Variants in QRFPR observed in about 807,000 individuals in gnomAD.
QRFPR encodes pyroglutamylated RFamide peptide receptor.
Under a neutral mutation model 31.3 loss-of-function variants are expected in QRFPR, and 37 were observed. That is an observed-to-expected ratio of 1.18 (90% CI 0.91 to 1.56). QRFPR has a LOEUF of 1.56. QRFPR is among the 40% of genes most tolerant of loss of function. QRFPR has a pLI of 0.00. For synonymous variants in QRFPR, 197 were observed against 192.0 expected, an observed-to-expected ratio of 1.03 and a Z score of -0.22; for missense variants, 542 against 532.5, an observed-to-expected ratio of 1.02 and a Z score of -0.18.
chr4:121,353,475 G>C (rs1284825650), intron 1 of QRFPR, among the ~76,000 whole-genome samples: 1 of 152,026 alleles, frequency 6.6e-6, no homozygotes, highest in African/African-American at 2.4e-5. Context: ...TAGTGATGTT[G>C]AGCATTTTTT....
chr4:121,330,234 A>G (rs1725296957), intron 5 of QRFPR, among the ~76,000 whole-genome samples, 192 bp downstream of exon 5: 4 of 152,220 alleles, frequency 2.6e-5, no homozygotes, highest in Admixed American at 1.3e-4. Context: ...TGTAATTATT[A>G]AAGATTTAGT....
chr4:121,363,088 C>T (rs76683624), intron 1 of QRFPR, among the ~76,000 whole-genome samples: 40,915 of 149,598 alleles, frequency 0.27, 7,773 homozygotes, highest in Non-Finnish European at 0.35. Flanking sequence ...AATCCCAGCC[C>T]TTTGGGAGGC....
intron 1 of QRFPR, among the ~76,000 whole-genome samples, chr4:121,340,855 C>T (rs1000033658): frequency 1.3e-5 from 2 of 152,136 alleles, no homozygotes; most frequent in African/African-American, 4.8e-5. Flanking sequence ...AAGGACAAAT[C>T]AGTATCTAGC....
intron 1 of QRFPR, among the ~76,000 whole-genome samples, chr4:121,372,230 G>T (rs1173781226): frequency 6.6e-6 from 1 of 152,170 alleles, no homozygotes; most frequent in Non-Finnish European, 1.5e-5. Context: ...GCTGTAGGGG[G>T]TATCTCTGGG....
intron 1 of QRFPR, chr4:121,369,578 C>T (rs542128286): frequency 4.1e-5 from 66 of 1,610,980 alleles, no homozygotes; most frequent in South Asian, 3.1e-4. Flanking sequence ...GGCCTGGGCA[C>T]GGATCAGTTC....
intron 1 of QRFPR, among the ~76,000 whole-genome samples, chr4:121,360,457 T>C (rs1338640712): frequency 6.6e-6 from 1 of 152,206 alleles, no homozygotes; most frequent in Non-Finnish European, 1.5e-5. Context: ...AGGATTATGA[T>C]ACTGCTGAGT....
chr4:121,336,889 T>A, intron 2 of QRFPR, 21 bp from the exon 3 acceptor site: 1 of 1,609,126 alleles, frequency 6.2e-7, no homozygotes, highest in Non-Finnish European at 8.5e-7. Context: ...GTTAAAGTCA[T>A]GAGAGTATGA....
intron 3 of QRFPR, among the ~76,000 whole-genome samples, chr4:121,336,348 T>C (rs750376701): frequency 6.6e-6 from 1 of 152,180 alleles, no homozygotes; most frequent in South Asian, 2.1e-4. Context: ...TCTCCTGATA[T>C]GTTTCCAGTT....
At position 121,380,906 on chromosome 4, in the gene QRFPR, T is replaced by G. The variant is rs1250814440; in HGVS notation, c.-259A>C. ...CTCAGTGACCAAAAAATGTTCGCGGTTCAAATAAAGTTCTTCCCTTGCTCT... is the reference window on the plus strand; with the variant it reads ...CTCAGTGACCAAAAAATGTTCGCGGGTCAAATAAAGTTCTTCCCTTGCTCT... On this transcript the variant is annotated 5_prime_UTR_variant, in exon 1 of 6. Transcript: ENST00000394427. The G allele has an allele frequency of 6.2e-6, 3 of 484,904 alleles. No individual in the cohort carries two copies. The highest frequency in any genetic ancestry group is 3.8e-5 in the Admixed American group (1 of 26,130). The allele number at this position is 484,904 out of a possible 1,614,324, so 30.0% of individuals were successfully genotyped here. A position where few individuals can be genotyped will look rare whatever the true frequency, so the allele number is the denominator to read the frequency against.
chr4:121,336,728 C>A, intron 3 of QRFPR, 79 bp downstream of exon 3: 2 of 1,169,870 alleles, frequency 1.7e-6, no homozygotes, highest in Non-Finnish European at 2.6e-6. Context: ...ATTGCTCCTG[C>A]AGGAAGGAAA....
intron 2 of QRFPR, among the ~76,000 whole-genome samples, chr4:121,338,499 G>T (rs2110469359): frequency 6.6e-6 from 1 of 152,214 alleles, no homozygotes; most frequent in East Asian, 1.9e-4. Context: ...AATATTATGA[G>T]ATTTTTTTGC....
intron 1 of QRFPR, chr4:121,369,331 T>G: frequency 1.7e-6 from 1 of 594,840 alleles, no homozygotes. Flanking sequence ...GCCCAGCTGA[T>G]TAAGTTTTTA....
intron 1 of QRFPR, among the ~76,000 whole-genome samples, chr4:121,378,666 G>T (rs113497706): frequency 0.017 from 2,625 of 151,966 alleles, 65 homozygotes; most frequent in East Asian, 0.11. Flanking sequence ...CTCGTGATCC[G>T]CCCGCCTCGG....
chr4:121,330,089 CT>C, intron 5 of QRFPR, among the ~76,000 whole-genome samples: 1 of 152,158 alleles, frequency 6.6e-6, no homozygotes, highest in East Asian at 1.9e-4. Context: ...AAAGAATATA[CT>C]GCAGGTCTGA....
At chr4:121,335,756 T>C (rs1474741311) in intron 3 of QRFPR, among the ~76,000 whole-genome samples, 2 of 152,190 alleles carry the variant, frequency 1.3e-5, no homozygotes, top group Non-Finnish European at 2.9e-5. Flanking sequence ...GTAATTGTAT[T>C]ACTGGACAGG....
intron 1 of QRFPR, among the ~76,000 whole-genome samples, chr4:121,379,293 A>G (rs1298835848): frequency 6.6e-6 from 1 of 152,256 alleles, no homozygotes; most frequent in East Asian, 1.9e-4. Context: ...CAAATTGGTA[A>G]TGGTAGGATG....
At chr4:121,339,372 C>A (rs1725495880) in intron 2 of QRFPR, among the ~76,000 whole-genome samples, 1 of 152,164 alleles carries the variant, frequency 6.6e-6, no homozygotes, top group Admixed American at 6.5e-5. Context: ...CTGTGTTAGA[C>A]TTTAGGGCAT....
intron 4 of QRFPR, among the ~76,000 whole-genome samples, chr4:121,331,305 C>G (rs1044487652): frequency 2.7e-5 from 4 of 150,648 alleles, no homozygotes; most frequent in African/African-American, 9.8e-5. Flanking sequence ...CCACCTCAGC[C>G]TCCACGTAGC....
chr4:121,358,588 A>T (rs1396191151), intron 1 of QRFPR, among the ~76,000 whole-genome samples: 1 of 152,002 alleles, frequency 6.6e-6, no homozygotes, highest in Non-Finnish European at 1.5e-5. Context: ...TATTCTTAAC[A>T]GAATAGTTGG....
Sources: allele counts gnomAD v4.1 joint callset (sites outside exome capture counted in the v4.1 genomes callset), GRCh38; gene constraint gnomAD v4.1.1; transcripts MANE v1.5; gene names NCBI Gene and HGNC (gene_info 2026-07-23, HGNC 2026-07-21).